GRIP1: variants seen among roughly 807,000 people sequenced by gnomAD.
GRIP1 encodes the protein glutamate receptor-interacting protein 1.
GRIP1 carries 45 observed loss-of-function variants against 129.9 expected under a neutral mutation model. The ratio of observed to expected loss-of-function variants is 0.35; its 90% CI spans 0.27 to 0.44. GRIP1 has a LOEUF of 0.44. GRIP1 is among the 20% of genes least tolerant of loss of function. GRIP1 has a pLI of 1.00. For synonymous variants in GRIP1, 530 were observed against 520.8 expected, an observed-to-expected ratio of 1.02 and a Z score of -0.24; for missense variants, 1,196 against 1,396.8, an observed-to-expected ratio of 0.86 and a Z score of 2.29.
At chr12:66,359,892 A>G (rs1420227629) in intron 23 of GRIP1, among the ~76,000 whole-genome samples, 1 of 152,204 alleles carries the variant, frequency 6.6e-6, no homozygotes, top group Non-Finnish European at 1.5e-5. Flanking sequence ...GGTAGTGGTT[A>G]CCTTGGATTT....
At chr12:67,011,282 C>T (rs2042703829) in intron 1 of GRIP1, among the ~76,000 whole-genome samples, 1 of 152,118 alleles carries the variant, frequency 6.6e-6, no homozygotes, top group Non-Finnish European at 1.5e-5. Flanking sequence ...CCTCTTTACT[C>T]AACACATGGA....
chr12:66,851,921 C>T (rs578206814), intron 1 of GRIP1, among the ~76,000 whole-genome samples: 1 of 152,150 alleles, frequency 6.6e-6, no homozygotes, highest in South Asian at 2.1e-4. Context: ...AAAACTTTAT[C>T]AAAAGCCAAC....
In GRIP1 at chr12:67,006,470, GGTGT is replaced by G. The variant is rs1565635677; in HGVS notation, c.58+62576_58+62579del. Among the ~76,000 whole-genome samples, 5 of 152,252 alleles carry G rather than the reference GGTGT, an allele frequency of 3.3e-5. No homozygotes were observed. The South Asian group carries it at 8.3e-4, about 25-fold the overall frequency. On this transcript the variant is annotated intron_variant, in intron 1 of 1. Coordinates refer to the GRIP1 transcript ENST00000643019. ...GTCCCAGCTACCGGAGTGGTATAAA[GGTGT>G]GTAGGGGAGGGGCTGAAGTGAGAGA...
chr12:66,698,737 G>A (rs941137807), intron 1 of GRIP1, among the ~76,000 whole-genome samples: 8 of 152,030 alleles, frequency 5.3e-5, no homozygotes, highest in East Asian at 1.9e-4. Flanking sequence ...TCTACCTATC[G>A]TATCTAGCTG....
At chr12:66,561,829 C>A (rs901921192) in intron 2 of GRIP1, among the ~76,000 whole-genome samples, 6 of 152,160 alleles carry the variant, frequency 3.9e-5, no homozygotes, top group Non-Finnish European at 8.8e-5. Context: ...TTTGGTGGCT[C>A]ATGCCTGTAA....
intron 1 of GRIP1, among the ~76,000 whole-genome samples, chr12:66,746,395 G>A (rs1386821915): frequency 1.3e-5 from 2 of 152,182 alleles, no homozygotes; most frequent in Non-Finnish European, 2.9e-5. Flanking sequence ...TAGAAATGCA[G>A]AATCTTAGGT....
At chr12:66,794,260 T>C (rs1278106375) in intron 1 of GRIP1, among the ~76,000 whole-genome samples, 2 of 152,122 alleles carry the variant, frequency 1.3e-5, no homozygotes, top group East Asian at 1.9e-4. Flanking sequence ...TACAAAGTAA[T>C]GAGATAGGTT....
At chr12:66,450,946 A>C (rs1391736437) in intron 11 of GRIP1, among the ~76,000 whole-genome samples, 1 of 152,222 alleles carries the variant, frequency 6.6e-6, no homozygotes, top group Non-Finnish European at 1.5e-5. Flanking sequence ...CCGTCATTTG[A>C]AAATGTGGAT....
At chr12:66,858,433 T>C (rs563923938) in intron 1 of GRIP1, among the ~76,000 whole-genome samples, 1 of 152,096 alleles carries the variant, frequency 6.6e-6, no homozygotes, top group Admixed American at 6.6e-5. Flanking sequence ...AAAATATAAA[T>C]TATTCAAAAT....
intron 1 of GRIP1, among the ~76,000 whole-genome samples, chr12:66,713,898 T>C (rs2035787883): frequency 6.6e-6 from 1 of 151,976 alleles, no homozygotes; most frequent in Admixed American, 6.6e-5. Flanking sequence ...AAATTATAAA[T>C]GGAAACATTT....
intron 1 of GRIP1, among the ~76,000 whole-genome samples, chr12:66,959,989 G>A (rs1202236807): frequency 6.6e-6 from 1 of 152,106 alleles, no homozygotes. Context: ...GTGATTGGGA[G>A]GAGGTAACTG....
At chr12:66,849,277 C>T (rs2039870938) in intron 1 of GRIP1, among the ~76,000 whole-genome samples, 1 of 152,146 alleles carries the variant, frequency 6.6e-6, no homozygotes, top group Non-Finnish European at 1.5e-5. Flanking sequence ...TCCTACAAGG[C>T]TCATCTCACA....
At chr12:66,971,588 C>A (rs1034578749) in intron 1 of GRIP1, among the ~76,000 whole-genome samples, 4 of 152,182 alleles carry the variant, frequency 2.6e-5, no homozygotes, top group Middle Eastern at 6.8e-3. Context: ...ATAGTCCCTG[C>A]CCTTGAGGAA....
intron 19 of GRIP1, among the ~76,000 whole-genome samples, chr12:66,379,910 A>C (rs1056039254): frequency 1.3e-5 from 2 of 151,952 alleles, no homozygotes; most frequent in African/African-American, 4.8e-5. Context: ...CATCCATTTC[A>C]AATCTTTTTT....
chr12:66,541,417 C>T (rs1333231669), intron 3 of GRIP1, among the ~76,000 whole-genome samples: 1 of 152,236 alleles, frequency 6.6e-6, no homozygotes, highest in Non-Finnish European at 1.5e-5. Context: ...GCCATGTCCC[C>T]TCTCTGGCAC....
chr12:67,022,390 C>T (rs1031354914), intron 1 of GRIP1, among the ~76,000 whole-genome samples: 4 of 152,182 alleles, frequency 2.6e-5, no homozygotes, highest in Admixed American at 2.6e-4. Context: ...ATAAGGTTGA[C>T]ATTAACATTT....
rs1380661701 is a variant in GRIP1 at position 66,367,657 on chromosome 12, A to G, written c.3012+4037T>C. On this transcript the variant is annotated intron_variant, in intron 23 of 24. Transcript: ENST00000359742. ...TGAAAAGAAACAGAAGAAAAATCAGAAAAATGTCAGTGTATACTGTGCAGT... is the reference window on the plus strand; with the variant it reads ...TGAAAAGAAACAGAAGAAAAATCAGGAAAATGTCAGTGTATACTGTGCAGT... Among the ~76,000 whole-genome samples, 8 of 152,360 alleles carry G rather than the reference A, an allele frequency of 5.3e-5. 1 individual carries two copies. The East Asian group carries it at 1.5e-3, about 29-fold the overall frequency.
At chr12:66,935,210 A>C (rs899374898) in intron 1 of GRIP1, among the ~76,000 whole-genome samples, 1 of 152,074 alleles carries the variant, frequency 6.6e-6, no homozygotes, top group African/African-American at 2.4e-5. Context: ...TTATAAACCA[A>C]ACAGTTTTTA....
At chr12:66,627,329 C>T (rs947675086) in intron 1 of GRIP1, among the ~76,000 whole-genome samples, 1 of 152,174 alleles carries the variant, frequency 6.6e-6, no homozygotes, top group African/African-American at 2.4e-5. Context: ...TTCCCTGATT[C>T]TTCTTCATTT....
Sources: gnomAD v4.1 joint callset for allele counts (sites outside exome capture counted in the v4.1 genomes callset) on GRCh38, gnomAD v4.1.1 for gene constraint, MANE v1.5 for transcripts, NCBI Gene and HGNC (gene_info 2026-07-23, HGNC 2026-07-21) for gene names.